MYO18B: variants seen among roughly 807,000 people sequenced by gnomAD.
The protein encoded by MYO18B is unconventional myosin-XVIIIb.
A neutral mutation model predicts 273.0 loss-of-function variants in MYO18B; 204 were observed. The observed-to-expected ratio is 0.75, with a 90% confidence interval of 0.67 to 0.84. The LOEUF (loss-of-function observed/expected upper bound fraction) is 0.84. Among genes scored for constraint, MYO18B ranks in the 40% least tolerant of loss-of-function variants. The probability of loss-of-function intolerance (pLI) is 0.00; values close to 1 mark genes in which losing one functional copy is unlikely to be tolerated. For synonymous variants in MYO18B, 1,330 were observed against 1,305.7 expected (o/e 1.02, Z -0.40); for missense variants, 3,212 against 3,287.6 (o/e 0.98, Z 0.56).
the MYO18B span, among the ~76,000 whole-genome samples, chr22:26,039,948 C>A: frequency 1.3e-5 from 2 of 152,162 alleles, no homozygotes; most frequent in African/African-American, 4.8e-5. Flanking sequence ...CCTCAGCCTC[C>A]TGAGTGGCTG....
At chr22:26,033,204 T>C (rs1249622531), downstream of MYO18B, among the ~76,000 whole-genome samples, 1 of 152,156 alleles carries the variant, frequency 6.6e-6, no homozygotes, top group African/African-American at 2.4e-5. Flanking sequence ...CTTCTCTTCA[T>C]GTGCCAGTAA....
chr22:25,821,820 T>C (rs1213287077), intron 12 of MYO18B, among the ~76,000 whole-genome samples: 1 of 152,076 alleles, frequency 6.6e-6, no homozygotes, highest in Non-Finnish European at 1.5e-5. Context: ...AAAGAAGTCA[T>C]TTATTTTTCT....
intron 11 of MYO18B, among the ~76,000 whole-genome samples, chr22:25,790,648 T>C (rs1294118222): frequency 6.6e-6 from 1 of 152,248 alleles, no homozygotes; most frequent in Non-Finnish European, 1.5e-5. Flanking sequence ...TGAACGAGCA[T>C]GCCCAACTCA....
intron 31 of MYO18B, 92 bp from the exon 32 acceptor site, chr22:25,908,230 T>A (rs2092085957): frequency 1.0e-6 from 1 of 1,002,172 alleles, no homozygotes; most frequent in African/African-American, 1.6e-5. Context: ...ATTCCAAAAA[T>A]GAGAAATGCA....
chr22:25,847,747 CT>C, intron 20 of MYO18B, 95 bp downstream of exon 20: 1 of 889,686 alleles, frequency 1.1e-6, no homozygotes, highest in Non-Finnish European at 1.7e-6. Context: ...CTGCCATGTG[CT>C]AGGAGCTTCA....
At chr22:25,964,450 C>A (rs1389785250) in intron 39 of MYO18B, among the ~76,000 whole-genome samples, 1 of 152,136 alleles carries the variant, frequency 6.6e-6, no homozygotes, top group Non-Finnish European at 1.5e-5. Flanking sequence ...GCAGTGTTTA[C>A]GTGTTCAAGT....
intron 4 of MYO18B, 75 bp from the exon 5 acceptor site, chr22:25,770,035 A>G: frequency 6.8e-7 from 1 of 1,462,648 alleles, no homozygotes; most frequent in Non-Finnish European, 9.6e-7. Flanking sequence ...GCACACTGTG[A>G]GAAACCCCCG....
intron 39 of MYO18B, among the ~76,000 whole-genome samples, chr22:25,975,203 G>C (rs1220930410): frequency 1.3e-5 from 2 of 152,214 alleles, no homozygotes; most frequent in Non-Finnish European, 2.9e-5. Context: ...AGATGTGGAG[G>C]TAAAAGAGAG....
At chr22:26,039,139 G>A in the MYO18B span, among the ~76,000 whole-genome samples, 1 of 152,112 alleles carries the variant, frequency 6.6e-6, no homozygotes, top group South Asian at 2.1e-4. Flanking sequence ...TGGTGCTCTG[G>A]CAGCTGATTA....
chr22:25,964,055 T>C (rs1229933337), intron 39 of MYO18B: 2 of 152,174 alleles, frequency 1.3e-5, no homozygotes, highest in East Asian at 3.9e-4. Flanking sequence ...GAATCCTCTG[T>C]TTTGAGAACT....
rs2086598237 is a variant in MYO18B at position 25,768,636 on chromosome 22, A to G, written c.720A>G (p.Ile240Met). ...AAAAAGGCGAGGAGGGTCAAAGCAT[A>G]GTGGGGAAGGGGCTTGGGACCCCCA... ...ALKKGEEGQS[I>M]VGKGLGTPKT... The change falls in exon 4 of 44, where the codon ATA becomes ATG. Residue 240 changes from isoleucine to methionine, a missense_variant. Coordinates refer to ENST00000335473, the MANE Select transcript of MYO18B (RefSeq NM_032608.7). The G allele has an allele frequency of 6.5e-7, 1 of 1,529,570 alleles. No homozygotes were observed. The highest frequency in any genetic ancestry group is 1.3e-5 in the South Asian group (1 of 75,084). 94.7% of individuals were successfully genotyped at this position (1,529,570 alleles called of 1,614,324 possible).
In MYO18B at chr22:26,027,258, C is replaced by T. The variant is rs771667456; in HGVS notation, c.7284C>T (p.Leu2428=). 6.2e-7 allele frequency: 1 copy of T among 1,613,994 alleles called. No individual in the cohort carries two copies. Among genetic ancestry groups the T allele is most frequent in the Non-Finnish European group, 8.5e-7 (1 of 1,179,894 alleles). The part of the protein sequence containing the change: ...PLGSDPFSWK[L]PSLDYERKTK... Reference sequence around the variant, plus strand: ...GCAGTGACCCATTCAGCTGGAAACTCCCAAGCCTCGACTACGAACGCAAGA... The same window carrying T: ...GCAGTGACCCATTCAGCTGGAAACTTCCAAGCCTCGACTACGAACGCAAGA... Residue 2428 remains leucine, a synonymous_variant, in exon 43 of 44, where the codon CTC becomes CTT. Transcript: ENST00000335473. The surrounding 1 kb of genome is among the most constrained non-coding windows in gnomAD (Gnocchi z 4.1).
At chr22:26,024,347 G>A (rs1262012224) in intron 42 of MYO18B, among the ~76,000 whole-genome samples, 1 of 152,058 alleles carries the variant, frequency 6.6e-6, no homozygotes, top group African/African-American at 2.4e-5. Flanking sequence ...CATGACTAGG[G>A]GTCGGGGAGT....
At chr22:25,972,315 G>T (rs1050973960) in intron 39 of MYO18B, among the ~76,000 whole-genome samples, 3 of 151,978 alleles carry the variant, frequency 2.0e-5, no homozygotes, top group African/African-American at 7.3e-5. Context: ...TCAGCTGGAG[G>T]TATATTTTAA....
chr22:26,004,888 T>C, intron 42 of MYO18B, 33 bp downstream of exon 42: 3 of 1,611,314 alleles, frequency 1.9e-6, no homozygotes, highest in Non-Finnish European at 2.5e-6. Flanking sequence ...TCTGGATGGC[T>C]AATAGCTTGA....
intron 10 of MYO18B, among the ~76,000 whole-genome samples, chr22:25,785,147 A>G (rs1198411363): frequency 6.6e-6 from 1 of 152,202 alleles, no homozygotes; most frequent in Non-Finnish European, 1.5e-5. Flanking sequence ...TCAGCTGATT[A>G]GAAGATCTGG....
Position 25,908,412 on chromosome 22 carries a change from C to T in MYO18B, c.5239C>T (p.Arg1747Cys), listed in dbSNP as rs200325801. 1,691 of 1,595,140 alleles carry T rather than the reference C, an allele frequency of 1.1e-3. 1 individual carries two copies. The highest frequency in any genetic ancestry group is 1.3e-3 in the Non-Finnish European group (1,512 of 1,171,096). ...EDQEEELEDVRQSCQKRLHQL... is the reference protein window; with the variant it reads ...EDQEEELEDVCQSCQKRLHQL... ...CCAGGAGGAGGAACTGGAGGATGTC[C>T]GTCAGTCCTGCCAGAAGCGGGTACG... Residue 1747 changes from arginine to cysteine, a missense_variant, in exon 32 of 44, where the codon CGT (arginine) becomes TGT (cysteine). Arg to Cys is a radical substitution (Grantham distance 180, BLOSUM62 -3). Transcript: ENST00000335473.
rs1384751401 is a variant in MYO18B at position 26,005,835 on chromosome 22, A to T, written c.6470+980A>T. Among the ~76,000 whole-genome samples the T allele has an allele frequency of 2.0e-5, 3 of 152,230 alleles. No individual in the cohort carries two copies. In the East Asian group the frequency reaches 5.8e-4, roughly 29 times the overall value. On this transcript the variant is annotated intron_variant, in intron 42 of 43. Transcript: ENST00000335473. ...GGGAGTTTATGCTAAACTTTTGGGC[A>T]TATTTGGCAAATGGCAAATGTCTGG...
At chr22:25,794,749 CCA>C (rs1231582453) in intron 11 of MYO18B, among the ~76,000 whole-genome samples, 6 of 152,204 alleles carry the variant, frequency 3.9e-5, no homozygotes, top group Non-Finnish European at 7.4e-5. Flanking sequence ...CATGATCCAT[CCA>C]TCTCGGCCTC....
Sources: gnomAD v4.1 joint callset for allele counts (sites outside exome capture counted in the v4.1 genomes callset) on GRCh38, gnomAD v4.1.1 for gene constraint, Gnocchi (gnomAD v3.1) non-coding constraint, MANE v1.5 for transcripts, NCBI Gene and HGNC (gene_info 2026-07-23, HGNC 2026-07-21) for gene names.